GRM1: variants seen among roughly 807,000 people sequenced by gnomAD.
GRM1 encodes the protein glutamate metabotropic receptor 1.
In GRM1, 33 loss-of-function variants were observed where a neutral mutation model predicts 90.9. The observed-to-expected ratio is 0.36, with a 90% CI of 0.28 to 0.49. The LOEUF (loss-of-function observed/expected upper bound fraction) is 0.49, where lower values mean the gene tolerates loss of function less well. Ranked by LOEUF, GRM1 falls within the 20% of genes least tolerant of loss-of-function variation. The pLI, the probability that GRM1 is intolerant of heterozygous loss-of-function variation, is 0.99. For missense variants in GRM1, 1,190 were observed against 1,534.3 expected, an observed-to-expected ratio of 0.78 and a Z score of 3.75; for synonymous variants, 700 against 613.2, an observed-to-expected ratio of 1.14 and a Z score of -2.09.
intron 5 of GRM1, 28 bp from the exon 6 acceptor site, chr6:146,386,862 T>TA: frequency 6.3e-7 from 1 of 1,588,000 alleles, no homozygotes; most frequent in Non-Finnish European, 8.6e-7. Flanking sequence ...AAACTATCTT[T>TA]AAAATTCATG....
chr6:146,135,044 A>G (rs1338307010), intron 1 of GRM1, among the ~76,000 whole-genome samples: 2 of 152,210 alleles, frequency 1.3e-5, no homozygotes, highest in African/African-American at 2.4e-5. Context: ...TCAGATTGCA[A>G]CTTAAGATAA....
At chr6:146,171,857 C>A in intron 2 of GRM1, 1 of 249,400 alleles carries the variant, frequency 4.0e-6, no homozygotes, top group Admixed American at 4.0e-5. Flanking sequence ...AGGAGGATGA[C>A]CTCATTTCTA....
At chr6:146,295,244 T>C (rs2143326) in intron 2 of GRM1, among the ~76,000 whole-genome samples, 14,514 of 152,072 alleles carry the variant, frequency 0.095, 1,837 homozygotes, top group African/African-American at 0.29. Context: ...TTCTTTGAGA[T>C]GGAGTCTCAC....
intron 2 of GRM1, among the ~76,000 whole-genome samples, chr6:146,299,550 C>T (rs1783301149): frequency 6.6e-6 from 1 of 152,104 alleles, no homozygotes; most frequent in African/African-American, 2.4e-5. Flanking sequence ...TCCAATTCTC[C>T]TTGGAATATA....
At chr6:146,031,164 C>A (rs964552288) in intron 1 of GRM1, among the ~76,000 whole-genome samples, 1 of 152,198 alleles carries the variant, frequency 6.6e-6, no homozygotes, top group Admixed American at 6.5e-5. Context: ...ACTCTCTTCA[C>A]CTTAGGTTAT....
intron 2 of GRM1, among the ~76,000 whole-genome samples, chr6:146,174,666 T>G (rs1778267266): frequency 6.6e-6 from 1 of 152,220 alleles, no homozygotes; most frequent in South Asian, 2.1e-4. Context: ...TAACTATGTT[T>G]TGGGTTATTA....
At chr6:146,148,575 T>G (rs529458483) in intron 1 of GRM1, among the ~76,000 whole-genome samples, 40 of 152,284 alleles carry the variant, frequency 2.6e-4, no homozygotes, top group African/African-American at 9.6e-4. Context: ...TTGTTTTCTG[T>G]TTTTATTATT....
At chr6:146,304,871 A>G in intron 3 of GRM1, 25 bp downstream of exon 3, 1 of 1,459,390 alleles carries the variant, frequency 6.9e-7, no homozygotes, top group Non-Finnish European at 9.6e-7. Context: ...CAAAATAACA[A>G]CTCAGAGGTT....
intron 1 of GRM1, among the ~76,000 whole-genome samples, chr6:146,079,180 CA>C (rs1776283352): frequency 6.6e-6 from 1 of 152,204 alleles, no homozygotes; most frequent in Admixed American, 6.5e-5. Flanking sequence ...GTCTCAATAC[CA>C]TAATCATTAT....
At chr6:146,396,594 CA>C (rs1180188650) in intron 6 of GRM1, among the ~76,000 whole-genome samples, 1 of 151,848 alleles carries the variant, frequency 6.6e-6, no homozygotes, top group Non-Finnish European at 1.5e-5. Context: ...TGATTCAAAA[CA>C]AAACAAACAC....
At chr6:146,256,527 C>T (rs1168183500) in intron 2 of GRM1, among the ~76,000 whole-genome samples, 1 of 152,086 alleles carries the variant, frequency 6.6e-6, no homozygotes, top group East Asian at 1.9e-4. Flanking sequence ...TTGTAGAGGA[C>T]ACTGTGTATG....
intron 7 of GRM1, among the ~76,000 whole-genome samples, chr6:146,419,698 C>T (rs1454101184): frequency 6.6e-6 from 1 of 152,178 alleles, no homozygotes; most frequent in Non-Finnish European, 1.5e-5. Flanking sequence ...GCAAACACGT[C>T]TTACCATGGC....
intron 1 of GRM1, among the ~76,000 whole-genome samples, chr6:146,142,518 T>C (rs1280037570): frequency 6.6e-6 from 1 of 152,138 alleles, no homozygotes; most frequent in Non-Finnish European, 1.5e-5. Context: ...GATCCAGAGA[T>C]GCCATCTAGG....
At chr6:146,120,750 G>A (rs192522113) in intron 1 of GRM1, among the ~76,000 whole-genome samples, 50 of 152,136 alleles carry the variant, frequency 3.3e-4, no homozygotes, top group African/African-American at 1.1e-3. Context: ...TTATTGATTT[G>A]CGTATGTTGA....
chr6:146,404,208 T>C (rs1562673935), intron 7 of GRM1, among the ~76,000 whole-genome samples: 1 of 152,084 alleles, frequency 6.6e-6, no homozygotes, highest in African/African-American at 2.4e-5. Context: ...ATTTTACTAC[T>C]GGATAGTAAT....
intron 1 of GRM1, among the ~76,000 whole-genome samples, chr6:146,118,967 T>A (rs1775872906): frequency 1.3e-5 from 2 of 152,338 alleles, no homozygotes; most frequent in African/African-American, 4.8e-5. Context: ...GTAATGGGAT[T>A]GCTGGATCAA....
At chr6:146,053,754 G>T (rs1424398216) in intron 1 of GRM1, among the ~76,000 whole-genome samples, 3 of 151,998 alleles carry the variant, frequency 2.0e-5, no homozygotes, top group Non-Finnish European at 4.4e-5. Context: ...GGTGTTCTGG[G>T]ACTCATATTT....
intron 2 of GRM1, among the ~76,000 whole-genome samples, chr6:146,181,720 G>T (rs1778560019): frequency 6.6e-6 from 1 of 152,006 alleles, no homozygotes; most frequent in African/African-American, 2.4e-5. Context: ...TAGCAAGTAG[G>T]GTACTTTTGT....
intron 5 of GRM1, among the ~76,000 whole-genome samples, chr6:146,364,037 T>G (rs1775588865): frequency 6.6e-6 from 1 of 152,202 alleles, no homozygotes; most frequent in Non-Finnish European, 1.5e-5. Context: ...TTTCCTATTC[T>G]CACACTGAAT....
Sources: allele counts gnomAD v4.1 joint callset (sites outside exome capture counted in the v4.1 genomes callset), GRCh38; gene constraint gnomAD v4.1.1; transcripts MANE v1.5; gene names NCBI Gene and HGNC (gene_info 2026-07-23, HGNC 2026-07-21).